The following TMEM154 variants were observed in gnomAD, a reference collection of about 807,000 sequenced individuals.
TMEM154 encodes the protein transmembrane protein 154.
In TMEM154, 27 loss-of-function variants were observed where a neutral mutation model predicts 24.5. The observed-to-expected ratio is 1.10, with a 90% CI of 0.81 to 1.52. The LOEUF is 1.52. TMEM154 is among the 40% of genes most tolerant of loss of function. The probability of loss-of-function intolerance (pLI) is 0.00; values close to 1 mark genes in which losing one functional copy is unlikely to be tolerated. For synonymous variants in TMEM154, 67 were observed against 76.8 expected (o/e 0.87, Z 0.67); for missense variants, 228 against 213.4 (o/e 1.07, Z -0.43).
Position 152,623,376 on chromosome 4 carries a change from T to C in TMEM154, c.*5170A>G, listed in dbSNP as rs370500218. Reference sequence around the variant, plus strand: ...CCAGATTATTGTTTAACTTGTTGAATACCTATAATCTCTGCTTTTTCTGAA... The same window carrying C: ...CCAGATTATTGTTTAACTTGTTGAACACCTATAATCTCTGCTTTTTCTGAA... On this transcript the variant is annotated 3_prime_UTR_variant, in exon 7 of 7. Coordinates refer to ENST00000304385, the MANE Select transcript of TMEM154 (RefSeq NM_152680.3). The C allele has an allele frequency of 9.2e-5, 14 of 152,326 alleles. No homozygotes were observed. In the East Asian group the frequency reaches 1.2e-3, roughly 13 times the overall value. 9.4% of individuals were successfully genotyped at this position (152,326 alleles called of 1,614,324 possible). A position where few individuals can be genotyped will look rare whatever the true frequency, so the allele number is the denominator to read the frequency against.
rs1198112061 is a variant in TMEM154, at chr4:152,679,925, A to T, written c.9T>A (p.Ala3=). The part of the protein sequence containing the change: MQ[A]PRAALVFALV... The stretch of plus-strand genomic sequence containing the variant: ...GGGCGAAGACTAGGGCTGCGCGGGG[A>T]GCCTGCATGTCCGCTCGCCTCGGCA... Residue 3 remains alanine (A), a synonymous_variant, in exon 1 of 7, where the codon GCT becomes GCA. Coordinates refer to ENST00000304385, the MANE Select transcript of TMEM154 (RefSeq NM_152680.3). 13 of 1,610,014 alleles carry T rather than the reference A, an allele frequency of 8.1e-6. No homozygotes were observed. The highest frequency in any genetic ancestry group is 1.0e-5 in the Non-Finnish European group (12 of 1,178,732).
chr4:152,620,122 G>C lies in TMEM154; in HGVS notation c.*8424C>G, dbSNP rs552484655. 9 of 152,256 alleles carry C rather than the reference G, an allele frequency of 5.9e-5. No homozygotes were observed. Among genetic ancestry groups the C allele is most frequent in the Admixed American group, 4.6e-4 (7 of 15,296 alleles). The allele number at this position is 152,256 out of a possible 1,614,324, so 9.4% of individuals were successfully genotyped here. On this transcript the variant is annotated 3_prime_UTR_variant, in exon 7 of 7. Coordinates refer to ENST00000304385, the MANE Select transcript of TMEM154 (RefSeq NM_152680.3). ...AAGCCAGCACGACTATGGCTGTGAA[G>C]AGGCAACATGCCAGTCTGCTTGAAT...
intron 1 of TMEM154, among the ~76,000 whole-genome samples, chr4:152,662,346 G>A (rs1376534751): frequency 6.6e-6 from 1 of 152,158 alleles, no homozygotes; most frequent in South Asian, 2.1e-4. Context: ...TGTGCAGGGA[G>A]TCTGGGATGT....
intron 5 of TMEM154, among the ~76,000 whole-genome samples, chr4:152,641,975 T>C (rs1752268135): frequency 7.7e-6 from 1 of 130,438 alleles, no homozygotes; most frequent in South Asian, 2.6e-4. Flanking sequence ...CAGGCTGGAG[T>C]GCAGTGGCAC....
At chr4:152,635,742 ACTCT>A (rs1752136203) in intron 6 of TMEM154, among the ~76,000 whole-genome samples, 1 of 152,178 alleles carries the variant, frequency 6.6e-6, no homozygotes, top group African/African-American at 2.4e-5. Flanking sequence ...ATATACTGTC[ACTCT>A]CTCTTAGTTA....
At chr4:152,646,863 T>C (rs1002044467) in intron 3 of TMEM154, 2 of 681,922 alleles carry the variant, frequency 2.9e-6, no homozygotes, top group Non-Finnish European at 5.3e-6. Context: ...TCCAGAAGAT[T>C]TACTGAGTAA....
chr4:152,665,853 A>T (rs562463369), intron 1 of TMEM154, among the ~76,000 whole-genome samples: 40 of 150,548 alleles, frequency 2.7e-4, no homozygotes, highest in African/African-American at 9.8e-4. Context: ...AGTGGTATGA[A>T]CATGGCTCAC....
intron 4 of TMEM154, among the ~76,000 whole-genome samples, chr4:152,643,799 C>T (rs940588602): frequency 3.3e-5 from 5 of 152,140 alleles, no homozygotes; most frequent in Admixed American, 6.5e-5. Context: ...CGGTACACTG[C>T]GTAGAGGAAG....
At chr4:152,642,053 G>A (rs1055312218) in intron 5 of TMEM154, among the ~76,000 whole-genome samples, 1 of 151,524 alleles carries the variant, frequency 6.6e-6, no homozygotes, top group Non-Finnish European at 1.5e-5. Context: ...CTCCCTAGTA[G>A]CTGGGAGTAC....
At chr4:152,647,202 A>C in intron 3 of TMEM154, 3 of 961,588 alleles carry the variant, frequency 3.1e-6, no homozygotes, top group Non-Finnish European at 3.7e-6. Flanking sequence ...AGTAAGAAAC[A>C]GTATGTCTGC....
intron 3 of TMEM154, among the ~76,000 whole-genome samples, chr4:152,649,704 C>T (rs1728335800): frequency 6.6e-6 from 1 of 152,196 alleles, no homozygotes; most frequent in Non-Finnish European, 1.5e-5. Context: ...CAGCCTTTCT[C>T]TTTCCCCAGT....
intron 1 of TMEM154, among the ~76,000 whole-genome samples, chr4:152,667,591 C>T (rs1421352998): frequency 1.3e-5 from 2 of 152,262 alleles, no homozygotes; most frequent in East Asian, 1.9e-4. Flanking sequence ...AAAGCCTTCA[C>T]CTAATATGTT....
At chr4:152,665,207 T>C (rs1728693952) in intron 1 of TMEM154, among the ~76,000 whole-genome samples, 1 of 152,214 alleles carries the variant, frequency 6.6e-6, no homozygotes, top group African/African-American at 2.4e-5. Context: ...AAGACCCTGT[T>C]CTAAATATCG....
chr4:152,675,971 A>C (rs1378987809), intron 1 of TMEM154, among the ~76,000 whole-genome samples: 3 of 152,246 alleles, frequency 2.0e-5, no homozygotes, highest in East Asian at 3.9e-4. Flanking sequence ...AGTCCCTTAG[A>C]GTATTTGGTC....
intron 6 of TMEM154, 108 bp from the exon 7 acceptor site, chr4:152,628,669 C>T: frequency 7.8e-7 from 1 of 1,275,658 alleles, no homozygotes; most frequent in Non-Finnish European, 1.0e-6. Context: ...CGGAGTCTGG[C>T]TCCGTCGCCC....
chr4:152,629,473 G>T (rs1561043095), intron 6 of TMEM154, among the ~76,000 whole-genome samples: 1 of 152,112 alleles, frequency 6.6e-6, no homozygotes, highest in Non-Finnish European at 1.5e-5. Flanking sequence ...TTCTAACTTG[G>T]CTGTCTTTGC....
intron 6 of TMEM154, among the ~76,000 whole-genome samples, chr4:152,636,091 T>A (rs1290610401): frequency 6.6e-6 from 1 of 152,338 alleles, no homozygotes; most frequent in Non-Finnish European, 1.5e-5. Context: ...AGAGTCATGA[T>A]AAAAGGGACT....
chr4:152,664,316 T>A (rs150974732), intron 1 of TMEM154, among the ~76,000 whole-genome samples: 1 of 150,302 alleles, frequency 6.7e-6, no homozygotes, highest in Non-Finnish European at 1.5e-5. Flanking sequence ...TAAGTGGGAG[T>A]TGAACAATGA....
At chr4:152,672,786 T>C (rs527516480) in intron 1 of TMEM154, among the ~76,000 whole-genome samples, 1 of 152,342 alleles carries the variant, frequency 6.6e-6, no homozygotes, top group South Asian at 2.1e-4. Flanking sequence ...CCCCTAATTA[T>C]CTTAAATTTT....
Sources: gnomAD v4.1 joint callset for allele counts (sites outside exome capture counted in the v4.1 genomes callset) on GRCh38, gnomAD v4.1.1 for gene constraint, MANE v1.5 for transcripts, NCBI Gene and HGNC (gene_info 2026-07-23, HGNC 2026-07-21) for gene names.